Variants in FLYWCH2 observed in about 807,000 individuals in gnomAD.
FLYWCH2 encodes the protein FLYWCH family member 2.
FLYWCH2 carries 2 observed loss-of-function variants against 6.0 expected under a neutral mutation model. The observed-to-expected ratio is 0.33, with a 90% CI of 0.14 to 1.04. FLYWCH2 has a LOEUF of 1.04. FLYWCH2 is among the 50% of genes least tolerant of loss of function. The pLI is 0.45. For missense variants in FLYWCH2, 192 were observed against 183.4 expected (o/e 1.05, Z -0.27); for synonymous variants, 87 against 79.3 (o/e 1.10, Z -0.52).
chr16:2,899,274 T>TTG lies in FLYWCH2; in HGVS notation c.*126_*127insGT, dbSNP rs2069858590. The TTG allele has an allele frequency of 5.2e-6, 3 of 575,456 alleles. No individual in the cohort carries two copies. In the East Asian group the frequency reaches 9.9e-5, roughly 19 times the overall value. The allele number at this position is 575,456 out of a possible 1,614,324, so 35.6% of individuals were successfully genotyped here. A position where few individuals can be genotyped will look rare whatever the true frequency, so the allele number is the denominator to read the frequency against. ...ACATTGTGTGATTTCTTTTCTTTTT[T>TTG]TTTTTTTTTTTAGATCAAGTATAAG... is the stretch of plus-strand genomic sequence containing the variant. On this transcript the variant is annotated 3_prime_UTR_variant, in exon 4 of 4. Transcript: ENST00000396958.
chr16:2,887,306 C>T (rs1001383559), intron 1 of FLYWCH2, among the ~76,000 whole-genome samples: 2 of 121,558 alleles, frequency 1.6e-5, no homozygotes, highest in South Asian at 2.6e-4. Flanking sequence ...CCACCATGCC[C>T]GGCTTTCTTT....
rs184201515 is a variant in FLYWCH2, at chr16:2,884,597, C to G, written c.-200+1231C>G. Among the ~76,000 whole-genome samples, 740 of 101,310 alleles carry G rather than the reference C, an allele frequency of 7.3e-3. 4 individuals carry two copies. Among genetic ancestry groups the G allele is most frequent in the African/African-American group, 0.025 (702 of 27,656 alleles). 66.5% of individuals were successfully genotyped at this position (101,310 alleles called of 152,430 possible). ...AAAAAATACAAAAATTAGTCGGGGC[C>G]GGCGCGGTGGCTCACGCCTGTAATC... On this transcript the variant is annotated intron_variant, in intron 1 of 3. Coordinates refer to ENST00000396958, the MANE Select transcript of FLYWCH2 (RefSeq NM_138439.3).
intron 2 of FLYWCH2, among the ~76,000 whole-genome samples, chr16:2,895,593 C>T (rs1346343978): frequency 6.6e-6 from 1 of 152,312 alleles, no homozygotes; most frequent in African/African-American, 2.4e-5. Flanking sequence ...CCAGCCTGGG[C>T]GACAGAGCGA....
At chr16:2,894,084 T>C (rs2069790640) in intron 1 of FLYWCH2, among the ~76,000 whole-genome samples, 2 of 152,010 alleles carry the variant, frequency 1.3e-5, no homozygotes, top group Admixed American at 1.3e-4. Context: ...AAAACCGCAA[T>C]TACTTTTGCA....
At chr16:2,888,928 T>TA (rs1248812660) in intron 1 of FLYWCH2, among the ~76,000 whole-genome samples, 3 of 152,114 alleles carry the variant, frequency 2.0e-5, no homozygotes, top group Non-Finnish European at 4.4e-5. Context: ...TTGCACTACT[T>TA]AGGAGGTGTG....
At chr16:2,896,206 C>G in intron 2 of FLYWCH2, 146 bp from the exon 3 acceptor site, 1 of 518,720 alleles carries the variant, frequency 1.9e-6, no homozygotes. Context: ...ACTGGCAGAG[C>G]AGAAGCCTAG....
intron 1 of FLYWCH2, among the ~76,000 whole-genome samples, chr16:2,889,551 TAA>T (rs57270684): frequency 0.023 from 3,504 of 149,524 alleles, 56 homozygotes; most frequent in Middle Eastern, 0.038. Flanking sequence ...AAGACTATAT[TAA>T]AAAAAAAAAA....
At chr16:2,891,587 A>G (rs535830617) in intron 1 of FLYWCH2, among the ~76,000 whole-genome samples, 137 of 152,024 alleles carry the variant, frequency 9.0e-4, no homozygotes, top group Non-Finnish European at 1.6e-3. Flanking sequence ...TTGTATTTTT[A>G]GTAGAGATGG....
Position 2,899,237 on chromosome 16 carries a change from T to A in FLYWCH2, c.*88T>A. 1.3e-6 allele frequency: 1 copy of A among 746,608 alleles called. No individual in the cohort carries two copies. Among genetic ancestry groups the A allele is most frequent in the Non-Finnish European group, 2.1e-6 (1 of 477,832 alleles). The allele number at this position is 746,608 out of a possible 1,614,324, so 46.2% of individuals were successfully genotyped here. A position where few individuals can be genotyped will look rare whatever the true frequency, so the allele number is the denominator to read the frequency against. On this transcript the variant is annotated 3_prime_UTR_variant, in exon 4 of 4. Coordinates refer to ENST00000396958, the MANE Select transcript of FLYWCH2 (RefSeq NM_138439.3). Reference sequence around the variant, plus strand: ...GGGCTTCTGGGGCCAAATGGGTGAATCTTTGCTTTTAACATTGTGTGATTT... The same window carrying A: ...GGGCTTCTGGGGCCAAATGGGTGAAACTTTGCTTTTAACATTGTGTGATTT...
chr16:2,890,522 C>T (rs928884524), intron 1 of FLYWCH2, among the ~76,000 whole-genome samples: 7 of 151,698 alleles, frequency 4.6e-5, no homozygotes, highest in Non-Finnish European at 1.0e-4. Context: ...TCAAGCGATT[C>T]TCCTGCCTCA....
chr16:2,887,857 A>T (rs2069715812), intron 1 of FLYWCH2, among the ~76,000 whole-genome samples: 1 of 151,916 alleles, frequency 6.6e-6, no homozygotes, highest in Non-Finnish European at 1.5e-5. Context: ...ATGAGCCACC[A>T]CGCCTGGCCC....
intron 3 of FLYWCH2, among the ~76,000 whole-genome samples, chr16:2,897,425 G>C (rs1490171725): frequency 1.3e-5 from 2 of 152,200 alleles, no homozygotes; most frequent in Admixed American, 1.3e-4. Flanking sequence ...CCTAGCTGCT[G>C]CGGGCTGGCT....
intron 1 of FLYWCH2, among the ~76,000 whole-genome samples, chr16:2,888,764 C>G (rs1379295102): frequency 1.3e-5 from 2 of 152,056 alleles, no homozygotes; most frequent in Non-Finnish European, 2.9e-5. Context: ...CCTTGTCCTC[C>G]AAATGGAGAG....
intron 1 of FLYWCH2, among the ~76,000 whole-genome samples, chr16:2,893,790 A>G (rs188104606): frequency 6.6e-6 from 1 of 151,614 alleles, no homozygotes; most frequent in African/African-American, 2.4e-5. Flanking sequence ...GGCGCCCGCC[A>G]CCACGCCGGG....
chr16:2,896,487 G>T lies in FLYWCH2; in HGVS notation c.38G>T (p.Ser13Ile). The T allele has an allele frequency of 6.2e-7, 1 of 1,613,926 alleles. No individual in the cohort carries two copies. Among genetic ancestry groups the T allele is most frequent in the Non-Finnish European group, 8.5e-7 (1 of 1,179,922 alleles). The change falls in exon 3 of 4, where the codon AGT becomes ATT. Residue 13 changes from serine (S) to isoleucine (I), a missense_variant. By Grantham distance (142) the Ser-to-Ile change is moderately radical. Coordinates refer to ENST00000396958, the MANE Select transcript of FLYWCH2 (RefSeq NM_138439.3). The stretch of plus-strand genomic sequence containing the variant: ...GAGCCCAGCGAGCAGGAGGGTGAGA[G>T]TGTGAAGGCCAGCCAGGAGCCATCC... ...LPEPSEQEGE[S>I]VKASQEPSPK...
intron 1 of FLYWCH2, among the ~76,000 whole-genome samples, chr16:2,883,676 G>A (rs1451288580): frequency 6.6e-6 from 1 of 152,218 alleles, no homozygotes; most frequent in African/African-American, 2.4e-5. Context: ...AACCCCCGCC[G>A]GCCTCGTCCC....
chr16:2,890,915 A>G lies in FLYWCH2; in HGVS notation c.-199-4305A>G, dbSNP rs1010250044. Among the ~76,000 whole-genome samples the G allele has an allele frequency of 5.9e-5, 9 of 152,278 alleles. No individual in the cohort carries two copies. In the South Asian group the frequency reaches 6.2e-4, roughly 11 times the overall value. Reference sequence around the variant, plus strand: ...ACTAAGCCCAGCCAACAATCAAGGGAGGGGACTTAAGCTCCATTTCCTGGA... The same window carrying G: ...ACTAAGCCCAGCCAACAATCAAGGGGGGGGACTTAAGCTCCATTTCCTGGA... On this transcript the variant is annotated intron_variant, in intron 1 of 3. Coordinates refer to ENST00000396958, the MANE Select transcript of FLYWCH2 (RefSeq NM_138439.3).
intron 1 of FLYWCH2, among the ~76,000 whole-genome samples, chr16:2,884,146 C>T (rs1419515702): frequency 6.6e-6 from 1 of 152,144 alleles, no homozygotes; most frequent in Non-Finnish European, 1.5e-5. Context: ...GGAACTTTTG[C>T]GATGACTTCA....
rs1284608395 is a variant in FLYWCH2, at chr16:2,899,133, C to G, written c.407C>G (p.Pro136Arg). ...GENFAPCSVA[P>R]GKSL ...AACTTTGCCCCCTGCTCTGTGGCGC[C>G]CGGCAAGTCCCTGTAACCTTGACAA... The change falls in exon 4 of 4, where the codon CCC (proline) becomes CGC (arginine). Residue 136 changes from proline to arginine, a missense_variant. Coordinates refer to ENST00000396958, the MANE Select transcript of FLYWCH2 (RefSeq NM_138439.3). 6.2e-7 allele frequency: 1 copy of G among 1,613,048 alleles called. No homozygotes were observed. Among genetic ancestry groups the G allele is most frequent in the Non-Finnish European group, 8.5e-7 (1 of 1,179,650 alleles).
Sources: allele counts gnomAD v4.1 joint callset (sites outside exome capture counted in the v4.1 genomes callset), GRCh38; gene constraint gnomAD v4.1.1; transcripts MANE v1.5; gene names NCBI Gene and HGNC (gene_info 2026-07-23, HGNC 2026-07-21).